The following TCP11L1 variants were observed in gnomAD, a reference collection of about 807,000 sequenced individuals.
TCP11L1 encodes t-complex 11 like 1, also known as T-complex protein 11-like protein 1.
In TCP11L1, 28 loss-of-function variants were observed where a neutral mutation model predicts 48.9. The ratio of observed to expected loss-of-function variants is 0.57; its 90% CI spans 0.42 to 0.78. TCP11L1 has a LOEUF of 0.78. TCP11L1 is among the 30% of genes least tolerant of loss of function. The pLI is 0.00. For synonymous variants in TCP11L1, 204 were observed against 231.9 expected, an observed-to-expected ratio of 0.88 and a Z score of 1.09; for missense variants, 505 against 613.4, an observed-to-expected ratio of 0.82 and a Z score of 1.87.
intron 2 of TCP11L1, among the ~76,000 whole-genome samples, chr11:33,051,447 G>A (rs7114010): frequency 0.71 from 107,302 of 152,096 alleles, 38,032 homozygotes; most frequent in East Asian, 0.87. Flanking sequence ...GATTACAGGC[G>A]TGATAGAGTA....
chr11:33,047,002 G>A (rs1042207700), intron 2 of TCP11L1, among the ~76,000 whole-genome samples: 6 of 152,252 alleles, frequency 3.9e-5, no homozygotes, highest in Middle Eastern at 6.8e-3. Flanking sequence ...TGAATCACCT[G>A]AGGTGAGGTC....
chr11:33,061,555 G>T lies in TCP11L1; in HGVS notation c.801G>T (p.Trp267Cys), dbSNP rs1388692877. The T allele has an allele frequency of 1.9e-6, 3 of 1,607,218 alleles. No individual in the cohort carries two copies. The highest frequency in any genetic ancestry group is 1.3e-5 in the African/African-American group (1 of 74,846). Reference protein sequence around the residue: ...QPNSLDFVTQWLEEASEDLMT... With the variant: ...QPNSLDFVTQCLEEASEDLMT... ...ATTCCCTGGACTTTGTCACCCAGTGGCTGGAAGAAGCCTCAGAGGACCTTA... is the reference window on the plus strand; with the variant it reads ...ATTCCCTGGACTTTGTCACCCAGTGTCTGGAAGAAGCCTCAGAGGACCTTA... Residue 267 changes from tryptophan (W) to cysteine (C), a missense_variant, in exon 7 of 10, where the codon TGG becomes TGT. Trp to Cys is a radical substitution (Grantham distance 215). This residue lies in a region of TCP11L1 where 335 missense variants were observed against 413.3 expected (regional missense o/e 0.81). Transcript: ENST00000334274.
chr11:33,041,596 C>T (rs1473381652), intron 1 of TCP11L1, among the ~76,000 whole-genome samples: 1 of 151,924 alleles, frequency 6.6e-6, no homozygotes, highest in Non-Finnish European at 1.5e-5. Flanking sequence ...ACTAAAAATA[C>T]GAAAATTAGC....
At position 33,044,790 on chromosome 11, in the gene TCP11L1, A is replaced by G. The variant is rs991513061; in HGVS notation, c.163+854A>G. Among the ~76,000 whole-genome samples the G allele has an allele frequency of 6.6e-5, 10 of 152,312 alleles. No homozygotes were observed. In the East Asian group the frequency reaches 1.7e-3, roughly 26 times the overall value. ...TCACATAGATTTTAATAAATCAACT[A>G]TTAGGTCAAATTGTGTCCAAGGAAA... On this transcript the variant is annotated intron_variant, in intron 2 of 9. Coordinates refer to ENST00000334274, the MANE Select transcript of TCP11L1 (RefSeq NM_018393.4).
At chr11:33,056,915 A>G (rs1037491170) in intron 3 of TCP11L1, among the ~76,000 whole-genome samples, 200 bp from the exon 4 acceptor site, 1 of 152,192 alleles carries the variant, frequency 6.6e-6, no homozygotes, top group African/African-American at 2.4e-5. Context: ...ATTCTTTCCA[A>G]TGAGATGCTT....
At chr11:33,057,026 TAA>T in intron 3 of TCP11L1, 87 bp from the exon 4 acceptor site, 1 of 1,573,316 alleles carries the variant, frequency 6.4e-7, no homozygotes, top group Non-Finnish European at 8.7e-7. Flanking sequence ...GATCTTACCC[TAA>T]ACCCATAGTA....
rs1007297892 is a variant in TCP11L1, at chr11:33,050,875, G to A, written c.164-3718G>A. Among the ~76,000 whole-genome samples, 30 of 151,474 alleles carry A rather than the reference G, an allele frequency of 2.0e-4. No individual in the cohort carries two copies. The South Asian group carries it at 6.2e-3, about 32-fold the overall frequency. ...GTCACCTATGCTGGAGTGCTGTGGC[G>A]GGGTCATGGCTCACTGCAACTTCTG... is the stretch of plus-strand genomic sequence containing the variant. On this transcript the variant is annotated intron_variant, in intron 2 of 9. Transcript: ENST00000334274.
intron 2 of TCP11L1, among the ~76,000 whole-genome samples, chr11:33,048,697 C>T (rs1362884639): frequency 1.3e-5 from 2 of 152,070 alleles, no homozygotes; most frequent in Non-Finnish European, 2.9e-5. Context: ...CTGTTTTTTT[C>T]CAAGTATGCC....
intron 7 of TCP11L1, 23 bp downstream of exon 7, chr11:33,061,749 C>T: frequency 4.5e-6 from 7 of 1,558,130 alleles, no homozygotes; most frequent in Non-Finnish European, 6.1e-6. Flanking sequence ...AGCCATCTCA[C>T]TACTCATATT....
chr11:33,041,462 A>C (rs893349512), intron 1 of TCP11L1: 4 of 152,434 alleles, frequency 2.6e-5, no homozygotes, highest in Admixed American at 6.5e-5. Flanking sequence ...ATATTAATAC[A>C]GGCCTGGGCC....
intron 8 of TCP11L1, among the ~76,000 whole-genome samples, chr11:33,067,914 T>C (rs904796296): frequency 6.6e-6 from 1 of 151,816 alleles, no homozygotes; most frequent in East Asian, 1.9e-4. Flanking sequence ...TTAAAAATTT[T>C]TTAATTTTTA....
intron 9 of TCP11L1, among the ~76,000 whole-genome samples, chr11:33,071,666 G>T (rs1854793769): frequency 6.6e-6 from 1 of 152,206 alleles, no homozygotes; most frequent in Admixed American, 6.5e-5. Context: ...AGCACGAGCT[G>T]CTTTCATGGA....
intron 2 of TCP11L1, among the ~76,000 whole-genome samples, chr11:33,046,365 G>T (rs1263726415): frequency 6.6e-6 from 1 of 152,240 alleles, no homozygotes; most frequent in Non-Finnish European, 1.5e-5. Context: ...CAGCCTGATG[G>T]CATGATTCCA....
At chr11:33,058,910 G>GCTAT (rs754206724) in intron 5 of TCP11L1, 49 bp from the exon 6 acceptor site, 2 of 1,598,518 alleles carry the variant, frequency 1.3e-6, no homozygotes, top group Non-Finnish European at 1.7e-6. Flanking sequence ...TTCCTTTAAT[G>GCTAT]CTATGTTTAC....
intron 8 of TCP11L1, among the ~76,000 whole-genome samples, chr11:33,068,390 C>T (rs1006249460): frequency 6.6e-6 from 1 of 152,064 alleles, no homozygotes; most frequent in African/African-American, 2.4e-5. Context: ...GAGGTCATTC[C>T]AGGCTGATTT....
At chr11:33,060,417 G>C (rs897348309) in intron 6 of TCP11L1, among the ~76,000 whole-genome samples, 2 of 152,120 alleles carry the variant, frequency 1.3e-5, no homozygotes, top group Non-Finnish European at 2.9e-5. Context: ...AGTCATGACC[G>C]AGAGCTCAGG....
At chr11:33,071,240 G>A (rs186623543) in intron 9 of TCP11L1, among the ~76,000 whole-genome samples, 2 of 152,118 alleles carry the variant, frequency 1.3e-5, no homozygotes, top group East Asian at 1.9e-4. Context: ...GCTTGAACTC[G>A]GGAGGCGGAG....
intron 7 of TCP11L1, among the ~76,000 whole-genome samples, chr11:33,064,012 C>T (rs1307291199): frequency 1.3e-5 from 2 of 152,114 alleles, no homozygotes; most frequent in Non-Finnish European, 2.9e-5. Context: ...TGATCATCTT[C>T]CCCAGGCCTT....
In TCP11L1 at chr11:33,044,195, G is replaced by C. The variant is rs1853919908; in HGVS notation, c.163+259G>C. 1.2e-5 allele frequency: 4 copies of C among 325,366 alleles called. No individual in the cohort carries two copies. The South Asian group carries it at 3.1e-4, about 25-fold the overall frequency. 20.2% of individuals were successfully genotyped at this position (325,366 alleles called of 1,614,324 possible). ...CAGCCTCAGTGACACTCCAGTCTCTGAAGTGCTCTGAGAAATAGGAGGGTG... is the reference window on the plus strand; with the variant it reads ...CAGCCTCAGTGACACTCCAGTCTCTCAAGTGCTCTGAGAAATAGGAGGGTG... On this transcript the variant is annotated intron_variant, in intron 2 of 9. Transcript: ENST00000334274.
Sources: gnomAD v4.1 joint callset for allele counts (sites outside exome capture counted in the v4.1 genomes callset) on GRCh38, gnomAD v4.1.1 for gene constraint, gnomAD v4.1.1 regional missense constraint, MANE v1.5 for transcripts, NCBI Gene and HGNC (gene_info 2026-07-23, HGNC 2026-07-21) for gene names.